PPA1: variants seen among roughly 807,000 people sequenced by gnomAD.
PPA1 encodes the protein inorganic pyrophosphatase 1.
Under a neutral mutation model 41.8 loss-of-function variants are expected in PPA1, and 23 were observed. The ratio of observed to expected loss-of-function variants is 0.55; its 90% CI spans 0.40 to 0.78. The LOEUF (loss-of-function observed/expected upper bound fraction) is 0.78, where lower values mean the gene tolerates loss of function less well. Ranked by LOEUF, PPA1 falls within the 30% of genes least tolerant of loss-of-function variation. The pLI, the probability that PPA1 is intolerant of heterozygous loss-of-function variation, is 0.00. For synonymous variants in PPA1, 101 were observed against 116.8 expected, an observed-to-expected ratio of 0.86 and a Z score of 0.87; for missense variants, 320 against 361.6, an observed-to-expected ratio of 0.89 and a Z score of 0.93.
At chr10:70,203,251 A>C (rs1057123422) in intron 10 of PPA1, 65 bp from the exon 11 acceptor site, 1 of 1,360,446 alleles carries the variant, frequency 7.4e-7, no homozygotes, top group African/African-American at 1.4e-5. Flanking sequence ...CACCTAACAT[A>C]TAACAAAGAC....
chr10:70,216,994 G>A (rs905507939), intron 4 of PPA1, among the ~76,000 whole-genome samples: 8 of 151,904 alleles, frequency 5.3e-5, no homozygotes, highest in Admixed American at 1.3e-4. Context: ...AGTGAACCCC[G>A]TCTCCACTAA....
chr10:70,218,695 G>T (rs1014059610), intron 3 of PPA1, 69 bp downstream of exon 3: 48 of 1,252,200 alleles, frequency 3.8e-5, no homozygotes, highest in Middle Eastern at 1.9e-4. Flanking sequence ...GTTCATCCTT[G>T]ATCAAGTCAG....
At chr10:70,221,046 T>TATATAAC (rs1840155957) in intron 2 of PPA1, among the ~76,000 whole-genome samples, 1 of 65,684 alleles carries the variant, frequency 1.5e-5, no homozygotes, top group Non-Finnish European at 2.4e-5. Flanking sequence ...ATAAATTATA[T>TATATAAC]ATATATATAA....
Position 70,204,889 on chromosome 10 carries a change from G to A in PPA1, c.822C>T (p.Cys274=). 6.3e-7 allele frequency: 1 copy of A among 1,596,774 alleles called. No homozygotes were observed. The highest frequency in any genetic ancestry group is 8.6e-7 in the Non-Finnish European group (1 of 1,167,736). The change falls in exon 10 of 11, where the codon TGC becomes TGT. Residue 274 remains cysteine, a synonymous_variant. Transcript: ENST00000373232. ...DALPPPCESA[C]TVPTDVDKWF... is the part of the protein sequence containing the mutation. ...AAATCTTACCGTCTGTTGGTACTGTGCAGGCAGATTCACAGGGTGGTGGTA... is the reference window on the plus strand; with the variant it reads ...AAATCTTACCGTCTGTTGGTACTGTACAGGCAGATTCACAGGGTGGTGGTA...
chr10:70,229,596 C>T (rs879744587), intron 2 of PPA1, among the ~76,000 whole-genome samples: 1 of 152,236 alleles, frequency 6.6e-6, no homozygotes, highest in East Asian at 1.9e-4. Context: ...TCTATCTTAA[C>T]TGTGCAAATC....
chr10:70,222,085 T>C lies in PPA1; in HGVS notation c.124-3268A>G, dbSNP rs560926522. Reference sequence around the variant, plus strand: ...GGGTGGTGGCTCACACCTGTAATCATAGCACTTTGGGAGGCCGAGGTGGGC... The same window carrying C: ...GGGTGGTGGCTCACACCTGTAATCACAGCACTTTGGGAGGCCGAGGTGGGC... On this transcript the variant is annotated intron_variant, in intron 2 of 10. Transcript: ENST00000373232. Among the ~76,000 whole-genome samples, 13 of 152,004 alleles carry C rather than the reference T, an allele frequency of 8.6e-5. 1 individual carries two copies. The highest frequency in any genetic ancestry group is 2.9e-4 in the African/African-American group (12 of 41,474).
At chr10:70,215,125 G>T (rs1244120933) in intron 4 of PPA1, among the ~76,000 whole-genome samples, 1 of 152,288 alleles carries the variant, frequency 6.6e-6, no homozygotes, top group Non-Finnish European at 1.5e-5. Context: ...AACCCAGGAA[G>T]CAGAGGTTGC....
intron 1 of PPA1, among the ~76,000 whole-genome samples, chr10:70,232,597 T>A (rs1840300194): frequency 6.6e-6 from 1 of 152,186 alleles, no homozygotes; most frequent in Non-Finnish European, 1.5e-5. Context: ...GTTTCCAGAC[T>A]GACGTCATCT....
chr10:70,211,812 C>T (rs1840023501), intron 6 of PPA1, among the ~76,000 whole-genome samples: 1 of 152,210 alleles, frequency 6.6e-6, no homozygotes, highest in Non-Finnish European at 1.5e-5. Context: ...GTTGGAAATG[C>T]ACACACGGAC....
intron 1 of PPA1, 133 bp from the exon 2 acceptor site, chr10:70,230,532 G>A: frequency 1.2e-6 from 1 of 867,270 alleles, no homozygotes; most frequent in Non-Finnish European, 1.7e-6. Flanking sequence ...TGTGATCTTG[G>A]CTCACTGCCA....
At chr10:70,224,904 T>C (rs954812925) in intron 2 of PPA1, among the ~76,000 whole-genome samples, 32 of 151,998 alleles carry the variant, frequency 2.1e-4, no homozygotes, top group Admixed American at 9.8e-4. Context: ...CTAATTTTTG[T>C]ATTTTTAGTA....
At chr10:70,230,153 C>G (rs1840273503) in intron 2 of PPA1, among the ~76,000 whole-genome samples, 188 bp downstream of exon 2, 1 of 152,222 alleles carries the variant, frequency 6.6e-6, no homozygotes, top group African/African-American at 2.4e-5. Context: ...AAGCCCTCCA[C>G]CCGCCTCAGC....
chr10:70,225,412 A>G (rs935159116), intron 2 of PPA1, among the ~76,000 whole-genome samples: 2 of 151,668 alleles, frequency 1.3e-5, no homozygotes, highest in African/African-American at 4.8e-5. Flanking sequence ...ACCGGGTTTC[A>G]CCATGTTGCT....
intron 2 of PPA1, among the ~76,000 whole-genome samples, chr10:70,220,016 C>T (rs183896885): frequency 9.2e-5 from 14 of 152,178 alleles, no homozygotes; most frequent in Admixed American, 3.9e-4. Context: ...CAACCTCTGC[C>T]TCCTGAGTTC....
chr10:70,230,421 G>C, intron 1 of PPA1, 22 bp from the exon 2 acceptor site: 7 of 1,584,374 alleles, frequency 4.4e-6, no homozygotes, highest in Non-Finnish European at 6.0e-6. Flanking sequence ...ATTAGAAAAA[G>C]TTATTACTAT....
At chr10:70,227,811 T>C (rs1244915203) in intron 2 of PPA1, among the ~76,000 whole-genome samples, 7 of 152,106 alleles carry the variant, frequency 4.6e-5, no homozygotes, top group Admixed American at 4.6e-4. Flanking sequence ...ATTCCCTCAT[T>C]ATAATCCCTC....
chr10:70,220,349 C>T (rs1023292508), intron 2 of PPA1, among the ~76,000 whole-genome samples: 5 of 141,724 alleles, frequency 3.5e-5, no homozygotes, highest in Non-Finnish European at 6.0e-5. Flanking sequence ...ACCACCCTGG[C>T]TCAAGCAATC....
rs767618969 is a variant in PPA1 at position 70,206,848 on chromosome 10, G to GGAGGA, written c.726-520_726-516dup. Among the ~76,000 whole-genome samples, 17 of 102,176 alleles carry GGAGGA rather than the reference G, an allele frequency of 1.7e-4. 1 individual carries two copies. The highest frequency in any genetic ancestry group is 1.7e-3 in the South Asian group (4 of 2,424). 67.0% of individuals were successfully genotyped at this position (102,176 alleles called of 152,430 possible). A position where few individuals can be genotyped will look rare whatever the true frequency, so the allele number is the denominator to read the frequency against. ...ACAGAGCAAGACTGCGTTGCAATAA[G>GGAGGA]GAGGAGAGGAGAGGAGAGGAGGGGA... On this transcript the variant is annotated intron_variant, in intron 8 of 10. Coordinates refer to ENST00000373232, the MANE Select transcript of PPA1 (RefSeq NM_021129.4).
chr10:70,215,247 G>A (rs1202332248), intron 4 of PPA1, among the ~76,000 whole-genome samples: 2 of 152,050 alleles, frequency 1.3e-5, no homozygotes, highest in Admixed American at 1.3e-4. Flanking sequence ...ACAAAAATGT[G>A]TGGTTTTTTT....
Sources: allele counts gnomAD v4.1 joint callset (sites outside exome capture counted in the v4.1 genomes callset), GRCh38; gene constraint gnomAD v4.1.1; transcripts MANE v1.5; gene names NCBI Gene and HGNC (gene_info 2026-07-23, HGNC 2026-07-21).